CLNK: variants seen among roughly 807,000 people sequenced by gnomAD.
CLNK encodes cytokine dependent hematopoietic cell linker, also known as cytokine-dependent hematopoietic cell linker.
A neutral mutation model predicts 68.6 loss-of-function variants in CLNK; 74 were observed. The ratio of observed to expected loss-of-function variants is 1.08; its 90% CI spans 0.89 to 1.31. The LOEUF is 1.31. CLNK is among the 50% of genes most tolerant of loss of function. The pLI is 0.00. For missense variants in CLNK, 553 were observed against 515.3 expected, an observed-to-expected ratio of 1.07 and a Z score of -0.71; for synonymous variants, 198 against 172.2, an observed-to-expected ratio of 1.15 and a Z score of -1.17.
At chr4:10,503,727 A>G (rs1260396785) in intron 17 of CLNK, among the ~76,000 whole-genome samples, 4 of 146,990 alleles carry the variant, frequency 2.7e-5, no homozygotes, top group Non-Finnish European at 4.5e-5. Flanking sequence ...GCTAAGGTGC[A>G]TTGAGATTTG....
intron 2 of CLNK, among the ~76,000 whole-genome samples, chr4:10,602,716 C>T (rs1027267289): frequency 2.6e-5 from 4 of 152,214 alleles, no homozygotes; most frequent in Non-Finnish European, 5.9e-5. Flanking sequence ...AAGACATGCA[C>T]TAAACATCTC....
At chr4:10,724,236 C>T in the CLNK span, among the ~76,000 whole-genome samples, 1 of 152,120 alleles carries the variant, frequency 6.6e-6, no homozygotes, top group Non-Finnish European at 1.5e-5. Context: ...TTCACCGTTT[C>T]ATCTGCCCAG....
intron 11 of CLNK, among the ~76,000 whole-genome samples, chr4:10,539,502 A>G (rs1339306025): frequency 6.6e-6 from 1 of 152,232 alleles, no homozygotes; most frequent in African/African-American, 2.4e-5. Flanking sequence ...GATGAAAAAT[A>G]AGAGAGCATC....
At chr4:10,641,353 G>A (rs543204442) in intron 2 of CLNK, among the ~76,000 whole-genome samples, 1 of 152,296 alleles carries the variant, frequency 6.6e-6, no homozygotes, top group African/African-American at 2.4e-5. Context: ...TCCCATCATT[G>A]GGGTTTCTAA....
the CLNK span, among the ~76,000 whole-genome samples, chr4:10,698,005 C>G: frequency 6.6e-6 from 1 of 152,048 alleles, no homozygotes; most frequent in African/African-American, 2.4e-5. Flanking sequence ...AAGTGCTGAC[C>G]GTTTTGTGTT....
chr4:10,585,507 C>A (rs912911429), intron 3 of CLNK, among the ~76,000 whole-genome samples: 1 of 152,258 alleles, frequency 6.6e-6, no homozygotes, highest in Non-Finnish European at 1.5e-5. Context: ...ATATCACTTT[C>A]CTTTTTCTGT....
chr4:10,517,590 C>T (rs1173626841), intron 15 of CLNK: 1 of 152,190 alleles, frequency 6.6e-6, no homozygotes, highest in Non-Finnish European at 1.5e-5. Context: ...AATTAACTTT[C>T]AACGTCGATT....
intron 2 of CLNK, among the ~76,000 whole-genome samples, chr4:10,651,614 A>T (rs1267937915): frequency 6.6e-6 from 1 of 152,232 alleles, no homozygotes; most frequent in Non-Finnish European, 1.5e-5. Flanking sequence ...AATAAATAAA[A>T]TAAAATATGA....
intron 17 of CLNK, 138 bp downstream of exon 17, chr4:10,507,821 T>C: frequency 1.5e-6 from 1 of 673,602 alleles, no homozygotes; most frequent in Non-Finnish European, 2.5e-6. Flanking sequence ...GACTACAGCC[T>C]CCCAGCACTG....
chr4:10,617,114 A>G (rs1474271375), intron 2 of CLNK, among the ~76,000 whole-genome samples: 4 of 152,108 alleles, frequency 2.6e-5, no homozygotes, highest in African/African-American at 9.7e-5. Flanking sequence ...TAATGCTACT[A>G]TCCTTTCAAG....
chr4:10,703,525 T>A, the CLNK span, among the ~76,000 whole-genome samples: 1 of 152,144 alleles, frequency 6.6e-6, no homozygotes, highest in Non-Finnish European at 1.5e-5. Flanking sequence ...AACCGAGAGG[T>A]ACAGAAACTG....
At chr4:10,503,245 G>A (rs952982826) in intron 17 of CLNK, among the ~76,000 whole-genome samples, 1 of 152,098 alleles carries the variant, frequency 6.6e-6, no homozygotes, top group African/African-American at 2.4e-5. Flanking sequence ...TGGATCACTT[G>A]AGGTCAGGAG....
chr4:10,511,397 G>A (rs1380880190), intron 16 of CLNK, among the ~76,000 whole-genome samples: 1 of 152,210 alleles, frequency 6.6e-6, no homozygotes, highest in South Asian at 2.1e-4. Context: ...CCATTTTTAG[G>A]TGTATAATTC....
At chr4:10,560,381 G>A (rs1398155362) in intron 7 of CLNK, among the ~76,000 whole-genome samples, 1 of 152,132 alleles carries the variant, frequency 6.6e-6, no homozygotes, top group Non-Finnish European at 1.5e-5. Flanking sequence ...ACAAGAACTG[G>A]CCTTTGTAAA....
At position 10,487,291 on chromosome 4, in the gene CLNK, G is replaced by A. The variant is rs550479400; in HGVS notation, c.*3176C>T. ...ATATGGAGACCTTGGTTCCAGTCGC[G>A]ACTATGTCACTGTGAGATTTTGGCC... On this transcript the variant is annotated 3_prime_UTR_variant, in exon 19 of 19. Transcript: ENST00000226951. The A allele has an allele frequency of 2.6e-4, 40 of 152,224 alleles. No homozygotes were observed. The highest frequency in any genetic ancestry group is 8.9e-4 in the African/African-American group (37 of 41,536). The allele number at this position is 152,224 out of a possible 1,614,324, so 9.4% of individuals were successfully genotyped here.
the CLNK span, among the ~76,000 whole-genome samples, chr4:10,699,513 T>TATATATATATATATTTTA: frequency 4.2e-4 from 26 of 62,054 alleles, no homozygotes; most frequent in African/African-American, 2.0e-3. Context: ...TATATATATA[T>TATATATATATATATTTTA]TTTTTTTTTT....
chr4:10,687,501 C>G (rs537247975), upstream of CLNK, among the ~76,000 whole-genome samples: 31 of 151,590 alleles, frequency 2.0e-4, no homozygotes. Context: ...AAGAAGGCTT[C>G]TAAGAAAGAA....
chr4:10,623,658 G>A (rs1722546232), intron 2 of CLNK, among the ~76,000 whole-genome samples: 1 of 152,210 alleles, frequency 6.6e-6, no homozygotes, highest in African/African-American at 2.4e-5. Context: ...TCTAAAGTAA[G>A]TTTTAGATAC....
intron 4 of CLNK, among the ~76,000 whole-genome samples, chr4:10,582,108 A>C (rs1345089125): frequency 6.6e-6 from 1 of 152,226 alleles, no homozygotes; most frequent in Non-Finnish European, 1.5e-5. Context: ...CAATCTTGGG[A>C]TGATCTGAAA....
Sources: allele counts gnomAD v4.1 joint callset (sites outside exome capture counted in the v4.1 genomes callset), GRCh38; gene constraint gnomAD v4.1.1; transcripts MANE v1.5; gene names NCBI Gene and HGNC (gene_info 2026-07-23, HGNC 2026-07-21).